The following NTN1 variants were observed in gnomAD, a reference collection of about 807,000 sequenced individuals.
NTN1 encodes the protein netrin-1.
NTN1 carries 11 observed loss-of-function variants against 54.2 expected under a neutral mutation model. The ratio of observed to expected loss-of-function variants is 0.20; its 90% CI spans 0.13 to 0.34. The LOEUF (loss-of-function observed/expected upper bound fraction) is 0.34, where lower values mean the gene tolerates loss of function less well. Among genes scored for constraint, NTN1 ranks in the 10% least tolerant of loss-of-function variants. The pLI, the probability that NTN1 is intolerant of heterozygous loss-of-function variation, is 1.00. For synonymous variants in NTN1, 371 were observed against 382.0 expected (o/e 0.97, Z 0.33); for missense variants, 740 against 893.1 (o/e 0.83, Z 2.18).
intron 2 of NTN1, among the ~76,000 whole-genome samples, chr17:9,157,384 G>A (rs767066425): frequency 3.3e-5 from 5 of 152,250 alleles, no homozygotes; most frequent in Non-Finnish European, 7.3e-5. Context: ...CTGGGGAGTG[G>A]GAAGGGGTTG....
intron 2 of NTN1, among the ~76,000 whole-genome samples, chr17:9,024,889 G>A (rs901774780): frequency 2.6e-5 from 4 of 152,298 alleles, no homozygotes; most frequent in African/African-American, 9.6e-5. Context: ...CGACTTAGTA[G>A]TCTTCTAGAA....
At chr17:9,024,326 G>T (rs1265003845) in intron 2 of NTN1, among the ~76,000 whole-genome samples, 5 of 152,204 alleles carry the variant, frequency 3.3e-5, no homozygotes, top group Non-Finnish European at 5.9e-5. Context: ...GGTGAGGGGA[G>T]GTAGCAAGAC....
At chr17:9,110,223 G>A (rs2092185274) in intron 2 of NTN1, among the ~76,000 whole-genome samples, 1 of 151,740 alleles carries the variant, frequency 6.6e-6, no homozygotes, top group African/African-American at 2.4e-5. Context: ...GTGCTGCCTG[G>A]TGAGGTGGGG....
At chr17:9,046,823 G>T (rs562384757) in intron 2 of NTN1, among the ~76,000 whole-genome samples, 1 of 152,120 alleles carries the variant, frequency 6.6e-6, no homozygotes, top group African/African-American at 2.4e-5. Flanking sequence ...AAAAACAAAA[G>T]AAAATAATCC....
chr17:9,195,945 A>C (rs1486427063), intron 5 of NTN1, among the ~76,000 whole-genome samples: 3 of 151,038 alleles, frequency 2.0e-5, no homozygotes, highest in Non-Finnish European at 4.4e-5. Context: ...ATTTCACCCC[A>C]CTCTAGCTAA....
In NTN1 at chr17:9,034,740, ACTT is replaced by A. The variant is rs2091898176; in HGVS notation, c.1018+11353_1018+11355del. ...GCCTGGCCTTGTTATTCTTAAGTAA[ACTT>A]CTTTATTGTAGTGTAACACATGTAG... On this transcript the variant is annotated intron_variant, in intron 2 of 6. Coordinates refer to ENST00000173229, the MANE Select transcript of NTN1 (RefSeq NM_004822.3). Among the ~76,000 whole-genome samples the A allele has an allele frequency of 2.6e-5, 4 of 151,740 alleles. No individual in the cohort carries two copies. The South Asian group carries it at 8.4e-4, about 32-fold the overall frequency.
intron 6 of NTN1, among the ~76,000 whole-genome samples, chr17:9,225,673 A>G (rs1905510727): frequency 6.6e-6 from 1 of 152,098 alleles, no homozygotes; most frequent in Admixed American, 6.5e-5. Flanking sequence ...GGCAGGAGGG[A>G]TCTGGCCTGG....
chr17:9,075,397 G>A (rs1316739103), intron 2 of NTN1, among the ~76,000 whole-genome samples: 7 of 152,250 alleles, frequency 4.6e-5, no homozygotes, highest in East Asian at 1.9e-4. Flanking sequence ...CAGGAGAATC[G>A]CTTGAACCTG....
chr17:9,235,291 G>A (rs1400872702), intron 6 of NTN1, among the ~76,000 whole-genome samples: 1 of 152,190 alleles, frequency 6.6e-6, no homozygotes, highest in African/African-American at 2.4e-5. Context: ...AGGGCTGTCA[G>A]CACACTGCTC....
intron 5 of NTN1, among the ~76,000 whole-genome samples, chr17:9,218,978 G>A (rs1224822970): frequency 1.3e-5 from 2 of 151,934 alleles, no homozygotes; most frequent in African/African-American, 2.4e-5. Flanking sequence ...AACGTCACTC[G>A]GCACAACTTG....
At chr17:9,222,519 C>G (rs1057254554) in intron 6 of NTN1, among the ~76,000 whole-genome samples, 1 of 152,188 alleles carries the variant, frequency 6.6e-6, no homozygotes, top group African/African-American at 2.4e-5. Flanking sequence ...ACGGGGAGGA[C>G]AGAGCACGGG....
At chr17:9,043,534 A>C (rs56117698) in intron 2 of NTN1, among the ~76,000 whole-genome samples, 3,281 of 151,982 alleles carry the variant, frequency 0.022, 52 homozygotes, top group Non-Finnish European at 0.031. Context: ...GCTTATTTTT[A>C]AATGCTTTTT....
At chr17:9,198,914 C>G (rs976502847) in intron 5 of NTN1, among the ~76,000 whole-genome samples, 1 of 152,170 alleles carries the variant, frequency 6.6e-6, no homozygotes, top group African/African-American at 2.4e-5. Context: ...TGGGAGGCAC[C>G]ATTGAGCTCC....
intron 6 of NTN1, among the ~76,000 whole-genome samples, chr17:9,234,691 G>T (rs1905921801): frequency 6.6e-6 from 1 of 152,180 alleles, no homozygotes; most frequent in Non-Finnish European, 1.5e-5. Flanking sequence ...AGTCAGCTCT[G>T]GGGGCAGCAA....
At chr17:9,023,475 A>G in intron 2 of NTN1, 84 bp downstream of exon 2, 1 of 1,308,656 alleles carries the variant, frequency 7.6e-7, no homozygotes. Flanking sequence ...AGTTCATAGG[A>G]GCGCGGGTCG....
At chr17:9,110,372 C>G (rs2092185966) in intron 2 of NTN1, among the ~76,000 whole-genome samples, 2 of 151,456 alleles carry the variant, frequency 1.3e-5, no homozygotes, top group African/African-American at 4.9e-5. Flanking sequence ...CAGGTTTAAA[C>G]AATTCTCCTG....
intron 2 of NTN1, among the ~76,000 whole-genome samples, chr17:9,039,126 A>C (rs1291471710): frequency 6.6e-6 from 1 of 152,148 alleles, no homozygotes; most frequent in African/African-American, 2.4e-5. Context: ...TTTTCCTGCC[A>C]CTTTCTATCT....
At chr17:9,045,041 C>T (rs2091937329) in intron 2 of NTN1, among the ~76,000 whole-genome samples, 1 of 152,210 alleles carries the variant, frequency 6.6e-6, no homozygotes, top group Non-Finnish European at 1.5e-5. Flanking sequence ...GTTGGCCTCT[C>T]AGTTCTTTCC....
At chr17:9,207,029 C>T (rs767756456) in intron 5 of NTN1, among the ~76,000 whole-genome samples, 91 of 152,264 alleles carry the variant, frequency 6.0e-4, no homozygotes, top group Admixed American at 2.0e-3. Context: ...CGGAATTGCT[C>T]GGCTGAGGGT....
Sources: gnomAD v4.1 joint callset for allele counts (sites outside exome capture counted in the v4.1 genomes callset) on GRCh38, gnomAD v4.1.1 for gene constraint, MANE v1.5 for transcripts, NCBI Gene and HGNC (gene_info 2026-07-23, HGNC 2026-07-21) for gene names.